Variants in HECW1 observed in about 807,000 individuals in gnomAD.
HECW1 encodes the protein E3 ubiquitin-protein ligase HECW1.
A neutral mutation model predicts 182.3 loss-of-function variants in HECW1; 61 were observed. The ratio of observed to expected loss-of-function variants is 0.33; its 90% CI spans 0.27 to 0.41. HECW1 has a LOEUF of 0.41. Ranked by LOEUF, HECW1 falls within the 10% of genes least tolerant of loss-of-function variation. HECW1 has a pLI of 1.00. For synonymous variants in HECW1, 859 were observed against 832.6 expected (o/e 1.03, Z -0.55); for missense variants, 1,739 against 2,108.9 (o/e 0.82, Z 3.44).
intron 3 of HECW1, among the ~76,000 whole-genome samples, chr7:43,273,495 G>C (rs1268231324): frequency 1.3e-5 from 2 of 151,810 alleles, no homozygotes; most frequent in Non-Finnish European, 2.9e-5. Context: ...TAAACAATAA[G>C]TATTACTAAT....
intron 24 of HECW1, among the ~76,000 whole-genome samples, chr7:43,533,709 C>T (rs1389266329): frequency 6.6e-6 from 1 of 152,180 alleles, no homozygotes; most frequent in Non-Finnish European, 1.5e-5. Flanking sequence ...GCATCTGCCT[C>T]AGCCCCCACC....
chr7:43,505,734 A>G (rs2152926756), intron 21 of HECW1, among the ~76,000 whole-genome samples: 1 of 152,260 alleles, frequency 6.6e-6, no homozygotes, highest in Non-Finnish European at 1.5e-5. Flanking sequence ...GACCCATGCA[A>G]TCTAATTTGT....
chr7:43,469,426 T>G (rs1050129011), intron 16 of HECW1, among the ~76,000 whole-genome samples: 18 of 152,224 alleles, frequency 1.2e-4, no homozygotes, highest in Admixed American at 4.6e-4. Context: ...AGGTTTGGAA[T>G]GTGGAACTGA....
chr7:43,391,155 C>T lies in HECW1; in HGVS notation c.556-5659C>T, dbSNP rs543176613. 2.0e-4 allele frequency among the ~76,000 whole-genome samples: 31 copies of T among 152,242 alleles called. No homozygotes were observed. In the South Asian group the frequency reaches 6.2e-3, roughly 31 times the overall value. ...CAGAAGAAGGTCTTCAGGACTCAGA[C>T]CTTAGTCATAGATTAAAAGAAGTTA... is the stretch of plus-strand genomic sequence containing the variant. On this transcript the variant is annotated intron_variant, in intron 6 of 29. Coordinates refer to ENST00000395891, the MANE Select transcript of HECW1 (RefSeq NM_015052.5).
chr7:43,442,531 A>T lies in HECW1; in HGVS notation c.947A>T (p.Asp316Val). 6.2e-7 allele frequency: 1 copy of T among 1,609,204 alleles called. No homozygotes were observed. The highest frequency in any genetic ancestry group is 8.5e-7 in the Non-Finnish European group (1 of 1,175,802). ...QRLLERHAIG[D>V]RVVSYTLGRR... is the part of the protein sequence containing the mutation. Reference sequence around the variant, plus strand: ...TGATGGTGCTTATTTCCTTCTAGGGATAGGGTGGTCAGCTACACACTTGGC... The same window carrying T: ...TGATGGTGCTTATTTCCTTCTAGGGTTAGGGTGGTCAGCTACACACTTGGC... Residue 316 changes from aspartate to valine, a missense_variant and splice_region_variant, in exon 10 of 30, where the codon GAT becomes GTT. Physicochemically the swap from Asp to Val is radical, Grantham distance 152. Coordinates refer to ENST00000395891, the MANE Select transcript of HECW1 (RefSeq NM_015052.5).
chr7:43,178,051 C>A (rs1457085979), intron 2 of HECW1, among the ~76,000 whole-genome samples: 2 of 152,108 alleles, frequency 1.3e-5, no homozygotes, highest in Non-Finnish European at 1.5e-5. Flanking sequence ...GCTCTGTCAC[C>A]CAGGCTGGAG....
chr7:43,251,362 T>C (rs1462581403), intron 3 of HECW1, among the ~76,000 whole-genome samples: 1 of 152,074 alleles, frequency 6.6e-6, no homozygotes, highest in African/African-American at 2.4e-5. Flanking sequence ...CAGACTGGAG[T>C]GCGATAGCGC....
At chr7:43,151,232 T>C (rs1311192398) in intron 2 of HECW1, among the ~76,000 whole-genome samples, 1 of 152,162 alleles carries the variant, frequency 6.6e-6, no homozygotes, top group East Asian at 1.9e-4. Context: ...CTTCCCCAGG[T>C]GACACTCAGG....
intron 2 of HECW1, among the ~76,000 whole-genome samples, chr7:43,137,528 T>TTCATTTATTTATTTA (rs1787681981): frequency 1.4e-5 from 2 of 147,432 alleles, no homozygotes. Context: ...TTCTGCCTTC[T>TTCATTTATTTATTTA]TTTATTTATT....
chr7:43,395,113 G>C (rs13233479), intron 6 of HECW1, among the ~76,000 whole-genome samples: 24,854 of 152,008 alleles, frequency 0.16, 2,707 homozygotes, highest in Non-Finnish European at 0.24. Flanking sequence ...ACTGATCTCA[G>C]GAGCAATTTA....
chr7:43,429,092 T>C (rs1284777180), intron 8 of HECW1, among the ~76,000 whole-genome samples: 1 of 150,126 alleles, frequency 6.7e-6, no homozygotes, highest in African/African-American at 2.4e-5. Flanking sequence ...TTGCTTCCCA[T>C]TCTACCAAAC....
chr7:43,158,230 A>G (rs1364174701), intron 2 of HECW1, among the ~76,000 whole-genome samples: 1 of 152,232 alleles, frequency 6.6e-6, no homozygotes, highest in Non-Finnish European at 1.5e-5. Flanking sequence ...AGGTTGACCA[A>G]TATGGGTGGT....
chr7:43,534,622 G>C (rs73100755), intron 24 of HECW1, among the ~76,000 whole-genome samples: 24,309 of 152,248 alleles, frequency 0.16, 2,553 homozygotes, highest in Non-Finnish European at 0.24. Flanking sequence ...GGGTTCAAAT[G>C]GTATAAGACA....
intron 2 of HECW1, among the ~76,000 whole-genome samples, chr7:43,226,243 G>C (rs764134796): frequency 1.3e-5 from 2 of 152,156 alleles, no homozygotes; most frequent in Non-Finnish European, 2.9e-5. Context: ...TTTGATAAAA[G>C]TTCAAATGTT....
chr7:43,274,666 AGAGAGAGCGC>A, intron 3 of HECW1: 1 of 303,010 alleles, frequency 3.3e-6, no homozygotes, highest in South Asian at 3.0e-5. Flanking sequence ...AGAGAGAGCG[AGAGAGAGCGC>A]GCAGTAAAAT....
chr7:43,510,604 T>C (rs983185997), intron 24 of HECW1, among the ~76,000 whole-genome samples: 1 of 152,144 alleles, frequency 6.6e-6, no homozygotes, highest in African/African-American at 2.4e-5. Flanking sequence ...CATATACATA[T>C]GTGGGCATAT....
At chr7:43,508,823 C>A in intron 23 of HECW1, 146 bp from the exon 24 acceptor site, 1 of 721,164 alleles carries the variant, frequency 1.4e-6, no homozygotes, top group South Asian at 1.9e-5. Flanking sequence ...TTGATGCTGC[C>A]ATTGGCATTC....
chr7:43,350,907 C>A (rs6961602), intron 5 of HECW1, among the ~76,000 whole-genome samples: 66,289 of 151,996 alleles, frequency 0.44, 14,635 homozygotes, highest in African/African-American at 0.48. Flanking sequence ...ATTGCTGGTG[C>A]ACTAGTGTGA....
At position 43,489,929 on chromosome 7, in the gene HECW1, T is replaced by C. The variant is rs920212611; in HGVS notation, c.3235-2146T>C. ...TTTGTAGCACTGGTCCTCATCACCT[T>C]CCTGAATTCTGTGTGAGTGAGTTTT... On this transcript the variant is annotated intron_variant, in intron 17 of 29. Coordinates refer to ENST00000395891, the MANE Select transcript of HECW1 (RefSeq NM_015052.5). Among the ~76,000 whole-genome samples, 3 of 152,346 alleles carry C rather than the reference T, an allele frequency of 2.0e-5. No homozygotes were observed. In the East Asian group the frequency reaches 5.8e-4, roughly 29 times the overall value.
Sources: allele counts gnomAD v4.1 joint callset (sites outside exome capture counted in the v4.1 genomes callset), GRCh38; gene constraint gnomAD v4.1.1; transcripts MANE v1.5; gene names NCBI Gene and HGNC (gene_info 2026-07-23, HGNC 2026-07-21).